DDC: variants seen among roughly 807,000 people sequenced by gnomAD.
The protein encoded by DDC is dopa decarboxylase.
A neutral mutation model predicts 60.0 loss-of-function variants in DDC; 43 were observed. That is an observed-to-expected ratio of 0.72 (90% CI 0.56 to 0.92). The LOEUF is 0.92. Ranked by LOEUF, DDC falls within the 40% of genes least tolerant of loss-of-function variation. The pLI, the probability that DDC is intolerant of heterozygous loss-of-function variation, is 0.00. For synonymous variants in DDC, 232 were observed against 234.6 expected, an observed-to-expected ratio of 0.99 and a Z score of 0.10; for missense variants, 573 against 620.2, an observed-to-expected ratio of 0.92 and a Z score of 0.81.
At chr7:50,506,450 A>T (rs1001644943) in intron 6 of DDC, among the ~76,000 whole-genome samples, 2 of 152,188 alleles carry the variant, frequency 1.3e-5, no homozygotes, top group Non-Finnish European at 2.9e-5. Context: ...ACATGTATAC[A>T]TATGTACAAA....
At chr7:50,515,820 A>G (rs1159893234) in intron 6 of DDC, among the ~76,000 whole-genome samples, 1 of 152,236 alleles carries the variant, frequency 6.6e-6, no homozygotes, top group Non-Finnish European at 1.5e-5. Flanking sequence ...AGCAGTTGTA[A>G]GAGACAAAGA....
chr7:50,557,101 T>C (rs2045212509), intron 1 of DDC, among the ~76,000 whole-genome samples: 2 of 152,160 alleles, frequency 1.3e-5, no homozygotes, highest in South Asian at 2.1e-4. Flanking sequence ...TGAGGTAGCA[T>C]AAGAGAAAAG....
At chr7:50,476,524 G>C in intron 11 of DDC, 100 bp downstream of exon 11, 2 of 1,137,304 alleles carry the variant, frequency 1.8e-6, no homozygotes, top group Non-Finnish European at 2.7e-6. Flanking sequence ...CCACCAGTGC[G>C]TGCTGATCAT....
chr7:50,553,296 A>G (rs2045070645), intron 1 of DDC, among the ~76,000 whole-genome samples: 1 of 152,018 alleles, frequency 6.6e-6, no homozygotes, highest in Non-Finnish European at 1.5e-5. Context: ...TAGGGTTGAC[A>G]TTTTTTACAC....
chr7:50,527,989 C>A lies in DDC; in HGVS notation c.714+148G>T. 8.2e-6 allele frequency: 7 copies of A among 857,004 alleles called. 1 individual carries two copies. In the South Asian group the frequency reaches 1.2e-4, roughly 15 times the overall value. The allele number at this position is 857,004 out of a possible 1,614,324, so 53.1% of individuals were successfully genotyped here. ...TCGGCTCACTGCAACCTCCGCCTCCCGGGTTCACGCCATTCTCCTGCCTCA... is the reference window on the plus strand; with the variant it reads ...TCGGCTCACTGCAACCTCCGCCTCCAGGGTTCACGCCATTCTCCTGCCTCA... On this transcript the variant is annotated intron_variant, in intron 6 of 14. Transcript: ENST00000444124.
At chr7:50,492,653 A>T (rs1309246778) in intron 9 of DDC, 1 of 1,172,774 alleles carries the variant, frequency 8.5e-7, no homozygotes, top group Middle Eastern at 3.4e-4. Flanking sequence ...CTTGTGTCTT[A>T]GGGCTTACGT....
intron 9 of DDC, among the ~76,000 whole-genome samples, chr7:50,481,868 A>G (rs1290113562): frequency 6.6e-6 from 1 of 152,156 alleles, no homozygotes; most frequent in African/African-American, 2.4e-5. Context: ...TTGCTTTCTT[A>G]CCCCAAAATA....
At chr7:50,557,888 C>T (rs894320998) in intron 1 of DDC, among the ~76,000 whole-genome samples, 19 of 152,198 alleles carry the variant, frequency 1.2e-4, no homozygotes, top group African/African-American at 1.9e-4. Context: ...AGCATAGACA[C>T]TCCATCTCTG....
chr7:50,491,295 TCTCC>T (rs1451362324), intron 9 of DDC, among the ~76,000 whole-genome samples: 1 of 152,210 alleles, frequency 6.6e-6, no homozygotes, highest in Non-Finnish European at 1.5e-5. Context: ...CCAGGATTGT[TCTCC>T]CTTTATTTTT....
At chr7:50,549,095 ATTCCT>A (rs1487621733) in intron 1 of DDC, among the ~76,000 whole-genome samples, 1 of 152,250 alleles carries the variant, frequency 6.6e-6, no homozygotes, top group Non-Finnish European at 1.5e-5. Flanking sequence ...AGAAGGAAAG[ATTCCT>A]TTCAAAAATA....
At chr7:50,481,696 C>A (rs1214820177) in intron 9 of DDC, among the ~76,000 whole-genome samples, 1 of 152,194 alleles carries the variant, frequency 6.6e-6, no homozygotes, top group African/African-American at 2.4e-5. Flanking sequence ...ACACAAGAGG[C>A]CACAAGGCTG....
intron 11 of DDC, among the ~76,000 whole-genome samples, chr7:50,471,978 C>T (rs2042543438): frequency 6.6e-6 from 1 of 152,154 alleles, no homozygotes; most frequent in Admixed American, 6.5e-5. Context: ...TGGAAGAATA[C>T]CAAGGTAAAC....
At chr7:50,501,467 C>G (rs1171101872) in intron 7 of DDC, among the ~76,000 whole-genome samples, 1 of 152,250 alleles carries the variant, frequency 6.6e-6, no homozygotes, top group Non-Finnish European at 1.5e-5. Context: ...AATACCCTCA[C>G]TGGCAAATCA....
intron 1 of DDC, among the ~76,000 whole-genome samples, chr7:50,555,117 G>A (rs2045137285): frequency 6.6e-6 from 1 of 152,188 alleles, no homozygotes; most frequent in African/African-American, 2.4e-5. Context: ...GCTGCCACCA[G>A]GTCAGGCTTG....
At chr7:50,472,262 G>A (rs888903954) in intron 11 of DDC, among the ~76,000 whole-genome samples, 4 of 152,142 alleles carry the variant, frequency 2.6e-5, no homozygotes, top group African/African-American at 9.7e-5. Context: ...GCATGGCGCG[G>A]CCAGCCCACA....
At chr7:50,477,597 C>G (rs1290177986) in intron 10 of DDC, 2 of 453,284 alleles carry the variant, frequency 4.4e-6, no homozygotes, top group Non-Finnish European at 8.9e-6. Context: ...TTTACAAGAA[C>G]ATCTGAAGTC....
At position 50,476,604 on chromosome 7, in the gene DDC, C is replaced by T. The variant is rs1324588346; in HGVS notation, c.1041+20G>A. 3 of 1,605,458 alleles carry T rather than the reference C, an allele frequency of 1.9e-6. No individual in the cohort carries two copies. The highest frequency in any genetic ancestry group is 2.2e-5 in the South Asian group (2 of 90,920). The stretch of plus-strand genomic sequence containing the variant: ...AGCACTCCACTAGCATTTGAGATTA[C>T]AGTGGAATCTCCCACTTACCCGGTA... On this transcript the variant is annotated intron_variant, in intron 11 of 14. Transcript: ENST00000444124.
chr7:50,496,623 C>G (rs1253036757), intron 8 of DDC, among the ~76,000 whole-genome samples: 4 of 152,078 alleles, frequency 2.6e-5, no homozygotes, highest in Admixed American at 2.6e-4. Context: ...AATGCATGTC[C>G]TGGTTTATCA....
At chr7:50,474,454 G>T (rs907092196) in intron 11 of DDC, among the ~76,000 whole-genome samples, 13 of 152,178 alleles carry the variant, frequency 8.5e-5, no homozygotes, top group Non-Finnish European at 1.5e-4. Flanking sequence ...GGACTGGAAG[G>T]CCCTGGATGG....
Sources: allele counts gnomAD v4.1 joint callset (sites outside exome capture counted in the v4.1 genomes callset), GRCh38; gene constraint gnomAD v4.1.1; transcripts MANE v1.5; gene names NCBI Gene and HGNC (gene_info 2026-07-23, HGNC 2026-07-21).